PPFIA2: variants seen among roughly 807,000 people sequenced by gnomAD.
The protein encoded by PPFIA2 is PPFI scaffold protein A2.
In PPFIA2, 46 loss-of-function variants were observed where a neutral mutation model predicts 175.5. That is an observed-to-expected ratio of 0.26 (90% confidence interval 0.21 to 0.34). The LOEUF (loss-of-function observed/expected upper bound fraction) is 0.34. Ranked by LOEUF, PPFIA2 falls within the 10% of genes least tolerant of loss-of-function variation. The pLI is 1.00. For synonymous variants in PPFIA2, 568 were observed against 511.4 expected, an observed-to-expected ratio of 1.11 and a Z score of -1.49; for missense variants, 1,179 against 1,506.1, an observed-to-expected ratio of 0.78 and a Z score of 3.60.
chr12:81,564,948 G>T (rs2070969964), intron 4 of PPFIA2, among the ~76,000 whole-genome samples: 1 of 152,154 alleles, frequency 6.6e-6, no homozygotes, highest in African/African-American at 2.4e-5. Flanking sequence ...AAGGAAAGGT[G>T]CATGCACAAC....
intron 4 of PPFIA2, among the ~76,000 whole-genome samples, chr12:81,619,065 C>T (rs11114938): frequency 0.064 from 9,705 of 152,204 alleles, 430 homozygotes; most frequent in East Asian, 0.25. Flanking sequence ...AAGATCACCA[C>T]ACTGTCTTTG....
rs937904121 is a variant in PPFIA2, at chr12:81,498,155, A to T, written c.304-40289T>A. Reference sequence around the variant, plus strand: ...TGAAATAATTTTAGATGTATAAAAGAGTTACAAAGATACTACAAAGAGTTC... The same window carrying T: ...TGAAATAATTTTAGATGTATAAAAGTGTTACAAAGATACTACAAAGAGTTC... On this transcript the variant is annotated intron_variant, in intron 4 of 32. Coordinates refer to ENST00000549396, the MANE Select transcript of PPFIA2 (RefSeq NM_003625.5). 2.6e-5 allele frequency among the ~76,000 whole-genome samples: 4 copies of T among 152,216 alleles called. No homozygotes were observed. The South Asian group carries it at 6.2e-4, about 24-fold the overall frequency.
chr12:81,470,334 C>T (rs1425965467), intron 4 of PPFIA2, among the ~76,000 whole-genome samples: 3 of 152,170 alleles, frequency 2.0e-5, no homozygotes, highest in Non-Finnish European at 4.4e-5. Context: ...GAAAGCTGTT[C>T]CACATCATTA....
chr12:81,281,894 C>T (rs994009429), intron 26 of PPFIA2, among the ~76,000 whole-genome samples: 2 of 151,954 alleles, frequency 1.3e-5, no homozygotes, highest in African/African-American at 4.8e-5. Flanking sequence ...AAATGGGAAC[C>T]TCAGTAAACA....
intron 4 of PPFIA2, among the ~76,000 whole-genome samples, chr12:81,674,442 C>T (rs1267648327): frequency 6.6e-6 from 1 of 151,968 alleles, no homozygotes; most frequent in Non-Finnish European, 1.5e-5. Context: ...CCAAGGCAGG[C>T]AGATCACTTG....
chr12:81,536,738 A>G (rs1296040425), intron 4 of PPFIA2, among the ~76,000 whole-genome samples: 1 of 98,370 alleles, frequency 1.0e-5, no homozygotes, highest in East Asian at 3.5e-4. Context: ...AAATATATAT[A>G]CATAAACATA....
rs150224763 is a variant in PPFIA2 at position 81,683,708 on chromosome 12, G to T, written c.250-6864C>A. ...GCCCATGCTTTTCCTGCTTCTTAGG[G>T]TGCTTATTTCTAGATGTCCTCATCC... On this transcript the variant is annotated intron_variant, in intron 3 of 32. Coordinates refer to ENST00000549396, the MANE Select transcript of PPFIA2 (RefSeq NM_003625.5). Among the ~76,000 whole-genome samples the T allele has an allele frequency of 6.6e-5, 10 of 152,048 alleles. No homozygotes were observed. In the East Asian group the frequency reaches 1.9e-3, roughly 30 times the overall value.
intron 5 of PPFIA2, among the ~76,000 whole-genome samples, chr12:81,450,061 C>G (rs2052224987): frequency 6.6e-6 from 1 of 152,064 alleles, no homozygotes; most frequent in African/African-American, 2.4e-5. Context: ...TGGGTTAGTT[C>G]CAAGTCTTTG....
intron 4 of PPFIA2, among the ~76,000 whole-genome samples, chr12:81,490,627 G>T (rs1408727215): frequency 1.3e-5 from 2 of 151,906 alleles, no homozygotes; most frequent in Non-Finnish European, 2.9e-5. Flanking sequence ...AGCCTTGACT[G>T]CAGGAGGAAA....
chr12:81,358,647 A>C (rs770320495), intron 15 of PPFIA2, among the ~76,000 whole-genome samples: 29 of 152,224 alleles, frequency 1.9e-4, no homozygotes, highest in Non-Finnish European at 8.8e-5. Context: ...AAAATGTCTG[A>C]AATTTGAGGG....
chr12:81,436,213 G>A (rs1462778659), intron 7 of PPFIA2, among the ~76,000 whole-genome samples: 1 of 137,782 alleles, frequency 7.3e-6, no homozygotes, highest in Non-Finnish European at 1.5e-5. Flanking sequence ...GCTAAGAGGT[G>A]GAGGGTGCAG....
chr12:81,267,358 T>G, intron 29 of PPFIA2: 1 of 385,172 alleles, frequency 2.6e-6, no homozygotes, highest in Non-Finnish European at 5.0e-6. Context: ...GACTGCCAAA[T>G]TTTTATTGAA....
chr12:81,428,533 T>C (rs1190603088), intron 7 of PPFIA2, among the ~76,000 whole-genome samples: 1 of 151,990 alleles, frequency 6.6e-6, no homozygotes, highest in African/African-American at 2.4e-5. Context: ...AAAAGATACA[T>C]TTTCTATTCA....
intron 4 of PPFIA2, chr12:81,597,920 C>T (rs932293345): frequency 6.5e-7 from 1 of 1,528,360 alleles, no homozygotes; most frequent in South Asian, 1.2e-5. Flanking sequence ...CATTAACTTA[C>T]TAAGTAGTGA....
At chr12:81,377,064 A>C (rs551526730) in intron 9 of PPFIA2, among the ~76,000 whole-genome samples, 36 of 152,264 alleles carry the variant, frequency 2.4e-4, no homozygotes, top group African/African-American at 8.4e-4. Context: ...CAAGACATAA[A>C]TTTTGTTTAA....
At chr12:81,505,018 T>C (rs530370067) in intron 4 of PPFIA2, among the ~76,000 whole-genome samples, 14 of 152,170 alleles carry the variant, frequency 9.2e-5, no homozygotes, top group African/African-American at 3.1e-4. Flanking sequence ...AGGGGAGGGA[T>C]AGCATTAGGA....
chr12:81,330,782 A>C lies in PPFIA2; in HGVS notation c.2549-4912T>G, dbSNP rs182085413. ...CAGTAGAACTGTCTTCATCATTAATAAATAGCACATGGTTTGTATTAAAAC... is the reference window on the plus strand; with the variant it reads ...CAGTAGAACTGTCTTCATCATTAATCAATAGCACATGGTTTGTATTAAAAC... On this transcript the variant is annotated intron_variant, in intron 21 of 32. Coordinates refer to ENST00000549396, the MANE Select transcript of PPFIA2 (RefSeq NM_003625.5). Among the ~76,000 whole-genome samples, 391 of 152,340 alleles carry C rather than the reference A, an allele frequency of 2.6e-3. 1 individual carries two copies. Among genetic ancestry groups the C allele is most frequent in the African/African-American group, 9.0e-3 (376 of 41,584 alleles).
intron 22 of PPFIA2, among the ~76,000 whole-genome samples, chr12:81,301,092 T>C (rs940300625): frequency 6.6e-6 from 1 of 151,814 alleles, no homozygotes; most frequent in Non-Finnish European, 1.5e-5. Context: ...CCATTGAAGG[T>C]GTTGTGAAGG....
At chr12:81,374,828 G>T in intron 10 of PPFIA2, 60 bp from the exon 11 acceptor site, 1 of 1,485,308 alleles carries the variant, frequency 6.7e-7, no homozygotes, top group Non-Finnish European at 9.2e-7. Flanking sequence ...GCAAACACCA[G>T]TCGCCAGGGG....
Sources: gnomAD v4.1 joint callset for allele counts (sites outside exome capture counted in the v4.1 genomes callset) on GRCh38, gnomAD v4.1.1 for gene constraint, MANE v1.5 for transcripts, NCBI Gene and HGNC (gene_info 2026-07-23, HGNC 2026-07-21) for gene names.